The following POT1 variants were observed in gnomAD, a reference collection of about 807,000 sequenced individuals.
The protein encoded by POT1 is protection of telomeres protein 1.
In POT1, 47 loss-of-function variants were observed where a neutral mutation model predicts 78.5. The observed-to-expected ratio is 0.60, with a 90% confidence interval of 0.47 to 0.76. POT1 has a LOEUF of 0.76. POT1 is among the 30% of genes least tolerant of loss of function. The pLI is 0.00. For missense variants in POT1, 646 were observed against 749.9 expected (o/e 0.86, Z 1.62); for synonymous variants, 259 against 260.7 (o/e 0.99, Z 0.06).
At chr7:124,915,162 T>G (rs1796987684) in intron 3 of POT1, among the ~76,000 whole-genome samples, 2 of 152,216 alleles carry the variant, frequency 1.3e-5, no homozygotes, top group Admixed American at 1.3e-4. Context: ...TGTAGAATTT[T>G]GTAGTTTGTT....
At chr7:124,884,715 T>C (rs1796202715) in intron 6 of POT1, among the ~76,000 whole-genome samples, 1 of 152,178 alleles carries the variant, frequency 6.6e-6, no homozygotes, top group African/African-American at 2.4e-5. Context: ...ATTAGGAGAT[T>C]AAGCACAAAC....
chr7:124,905,839 A>C (rs921048993), intron 3 of POT1, among the ~76,000 whole-genome samples: 1 of 152,186 alleles, frequency 6.6e-6, no homozygotes, highest in Non-Finnish European at 1.5e-5. Context: ...ATATGAACTG[A>C]CATTTGTCAA....
intron 7 of POT1, among the ~76,000 whole-genome samples, chr7:124,869,624 C>T (rs1795819155): frequency 6.6e-6 from 1 of 151,730 alleles, no homozygotes. Flanking sequence ...CTCTTGTTGC[C>T]CAGACTGGAG....
chr7:124,863,300 G>C, intron 8 of POT1, 50 bp downstream of exon 8: 1 of 1,514,644 alleles, frequency 6.6e-7, no homozygotes, highest in Non-Finnish European at 9.0e-7. Context: ...GCTCTTTACA[G>C]ACATGTAAGT....
intron 6 of POT1, among the ~76,000 whole-genome samples, chr7:124,877,840 C>CAAAAAAAAAAAA (rs201285982): frequency 0.016 from 1,266 of 80,418 alleles, 160 homozygotes; most frequent in Non-Finnish European, 0.026. Flanking sequence ...GATTCTGTCT[C>CAAAAAAAAAAAA]AAAAAAAAAA....
At chr7:124,849,649 G>A (rs1267313638) in intron 11 of POT1, among the ~76,000 whole-genome samples, 2 of 151,994 alleles carry the variant, frequency 1.3e-5, no homozygotes, top group Non-Finnish European at 2.9e-5. Flanking sequence ...GTAAAAACAT[G>A]GAAGTACATA....
intron 15 of POT1, among the ~76,000 whole-genome samples, chr7:124,832,323 A>G (rs1180537787): frequency 1.3e-5 from 2 of 151,288 alleles, no homozygotes; most frequent in African/African-American, 4.8e-5. Flanking sequence ...TAAATGGTGG[A>G]TACGTAATTG....
chr7:124,903,220 A>G (rs1796668810), intron 3 of POT1, among the ~76,000 whole-genome samples: 1 of 152,244 alleles, frequency 6.6e-6, no homozygotes, highest in Non-Finnish European at 1.5e-5. Flanking sequence ...AACAGAATAT[A>G]CATTCTTCTC....
At chr7:124,841,315 T>C in intron 13 of POT1, 137 bp from the exon 14 acceptor site, 1 of 637,186 alleles carries the variant, frequency 1.6e-6, no homozygotes, top group East Asian at 2.8e-5. Flanking sequence ...ATTATGTAAA[T>C]TATGGAGATA....
intron 6 of POT1, among the ~76,000 whole-genome samples, chr7:124,878,028 G>A (rs1487230468): frequency 2.0e-5 from 3 of 151,862 alleles, no homozygotes; most frequent in African/African-American, 7.3e-5. Flanking sequence ...GGGTGGCAGT[G>A]GTGAGAAATG....
intron 7 of POT1, 108 bp from the exon 8 acceptor site, chr7:124,863,748 TAAGA>T: frequency 1.2e-6 from 1 of 850,890 alleles, no homozygotes; most frequent in South Asian, 1.7e-5. Context: ...CCAGCATAAT[TAAGA>T]GAGGGCATTT....
chr7:124,895,538 T>C (rs1783362179), intron 5 of POT1, among the ~76,000 whole-genome samples: 1 of 140,450 alleles, frequency 7.1e-6, no homozygotes, highest in African/African-American at 2.6e-5. Context: ...CATTCATTCC[T>C]TTATTTATTT....
At chr7:124,824,798 A>T (rs1308085704) in intron 18 of POT1, among the ~76,000 whole-genome samples, 1 of 152,148 alleles carries the variant, frequency 6.6e-6, no homozygotes, top group Admixed American at 6.5e-5. Context: ...TCAAATGTTT[A>T]TGCAGAAAAC....
intron 10 of POT1, 55 bp downstream of exon 10, chr7:124,852,917 T>G (rs1248156920): frequency 5.3e-6 from 8 of 1,497,664 alleles, no homozygotes; most frequent in Non-Finnish European, 5.5e-6. Flanking sequence ...AATATTATCT[T>G]AGAAATCGGC....
At chr7:124,849,482 A>T (rs2116493180) in intron 11 of POT1, among the ~76,000 whole-genome samples, 1 of 152,278 alleles carries the variant, frequency 6.6e-6, no homozygotes, top group Non-Finnish European at 1.5e-5. Context: ...TATAGTGTTA[A>T]CTTCCAATAC....
rs187434206 is a variant in POT1, at chr7:124,883,516, C to T, written c.124+8750G>A. ...TTTGCTGAACAAACAAATGAGTGAA[C>T]CGAAATACAAAACTATATATTTATT... On this transcript the variant is annotated intron_variant, in intron 6 of 18. Transcript: ENST00000357628. 1.0e-2 allele frequency among the ~76,000 whole-genome samples: 1,514 copies of T among 151,934 alleles called. 9 individuals are homozygous for T. The highest frequency in any genetic ancestry group is 0.014 in the Non-Finnish European group (967 of 67,906).
At chr7:124,825,479 A>G in intron 17 of POT1, 122 bp from the exon 18 acceptor site, 2 of 555,546 alleles carry the variant, frequency 3.6e-6, no homozygotes, top group East Asian at 3.2e-5. Flanking sequence ...CCCTCTATCA[A>G]GATTGTAGAA....
At chr7:124,906,661 A>G (rs1020423801) in intron 3 of POT1, among the ~76,000 whole-genome samples, 1 of 152,030 alleles carries the variant, frequency 6.6e-6, no homozygotes, top group Non-Finnish European at 1.5e-5. Flanking sequence ...AATAAAATAA[A>G]ATAATGTCTT....
intron 11 of POT1, among the ~76,000 whole-genome samples, chr7:124,847,850 T>C (rs1452934038): frequency 1.3e-5 from 2 of 152,230 alleles, no homozygotes; most frequent in African/African-American, 2.4e-5. Flanking sequence ...GGAAAATGCA[T>C]ACTTCACACT....
Sources: allele counts gnomAD v4.1 joint callset (sites outside exome capture counted in the v4.1 genomes callset), GRCh38; gene constraint gnomAD v4.1.1; transcripts MANE v1.5; gene names NCBI Gene and HGNC (gene_info 2026-07-23, HGNC 2026-07-21).